Variants in ELMO1 observed in about 807,000 individuals in gnomAD.
The protein encoded by ELMO1 is engulfment and cell motility 1, also known as engulfment and cell motility protein 1.
A neutral mutation model predicts 98.9 loss-of-function variants in ELMO1; 26 were observed. That is an observed-to-expected ratio of 0.26 (90% CI 0.19 to 0.36). The LOEUF is 0.36. Ranked by LOEUF, ELMO1 falls within the 10% of genes least tolerant of loss-of-function variation. ELMO1 has a pLI of 1.00. For synonymous variants in ELMO1, 346 were observed against 346.0 expected, an observed-to-expected ratio of 1.00 and a Z score of 0.00; for missense variants, 627 against 935.2, an observed-to-expected ratio of 0.67 and a Z score of 4.30.
intron 2 of ELMO1, among the ~76,000 whole-genome samples, chr7:37,320,530 C>G (rs528183737): frequency 6.6e-6 from 1 of 152,316 alleles, no homozygotes; most frequent in African/African-American, 2.4e-5. Flanking sequence ...CATTTAATAT[C>G]CATGTCAAAG....
In ELMO1 at chr7:37,224,921, G is replaced by A. The variant is rs776057144; in HGVS notation, c.659C>T (p.Ala220Val). 7.4e-6 allele frequency: 12 copies of A among 1,614,028 alleles called. No homozygotes were observed. Among genetic ancestry groups the A allele is most frequent in the Admixed American group, 6.7e-5 (4 of 60,014 alleles). The change falls in exon 9 of 22, where the codon GCG becomes GTG. Residue 220 changes from alanine (A) to valine (V), a missense_variant. Ala to Val is a moderately conservative substitution (Grantham distance 64). Coordinates refer to ENST00000310758, the MANE Select transcript of ELMO1 (RefSeq NM_014800.11). Reference protein sequence around the residue: ...LNSHDLYQKVAQEITIGQLIP... With the variant: ...LNSHDLYQKVVQEITIGQLIP... ...GAGCTGGCCGATGGTGATCTCCTGCGCCACTTTCTGGTAGAGGTCATGGCT... is the reference window on the plus strand; with the variant it reads ...GAGCTGGCCGATGGTGATCTCCTGCACCACTTTCTGGTAGAGGTCATGGCT...
At chr7:37,048,001 T>C (rs1421361234) in intron 15 of ELMO1, among the ~76,000 whole-genome samples, 1 of 152,262 alleles carries the variant, frequency 6.6e-6, no homozygotes, top group Non-Finnish European at 1.5e-5. Flanking sequence ...ATTCCACTCT[T>C]ATCATAAATC....
At chr7:37,112,810 G>A (rs773932908) in intron 14 of ELMO1, among the ~76,000 whole-genome samples, 19 of 152,114 alleles carry the variant, frequency 1.2e-4, no homozygotes, top group Non-Finnish European at 2.4e-4. Context: ...AACCACTACT[G>A]GGTGCACCAG....
At chr7:36,891,906 T>C (rs1805586774) in intron 17 of ELMO1, among the ~76,000 whole-genome samples, 1 of 152,198 alleles carries the variant, frequency 6.6e-6, no homozygotes, top group Non-Finnish European at 1.5e-5. Flanking sequence ...TAGTGTTAAA[T>C]GATCGATTTT....
intron 16 of ELMO1, among the ~76,000 whole-genome samples, chr7:37,011,211 C>T (rs1399888116): frequency 1.3e-5 from 2 of 152,214 alleles, no homozygotes; most frequent in East Asian, 3.8e-4. Flanking sequence ...AAAAGTTTCA[C>T]AGTGACACTC....
intron 14 of ELMO1, among the ~76,000 whole-genome samples, chr7:37,119,059 G>A (rs760490992): frequency 8.5e-5 from 13 of 152,202 alleles, no homozygotes; most frequent in African/African-American, 2.7e-4. Context: ...TTCCTCGTCT[G>A]TAAAATGCAA....
chr7:37,127,362 T>A (rs1252533200), intron 14 of ELMO1, among the ~76,000 whole-genome samples: 3 of 152,160 alleles, frequency 2.0e-5, no homozygotes, highest in African/African-American at 7.2e-5. Context: ...TTTGACTCTG[T>A]CCCCTTTCCC....
chr7:37,310,622 C>T (rs1215087163), intron 4 of ELMO1, among the ~76,000 whole-genome samples: 3 of 152,172 alleles, frequency 2.0e-5, no homozygotes, highest in East Asian at 1.9e-4. Flanking sequence ...TCTGTAACTT[C>T]CTGTATTTAT....
intron 16 of ELMO1, among the ~76,000 whole-genome samples, chr7:37,012,969 A>G (rs1209583435): frequency 1.3e-5 from 2 of 152,138 alleles, no homozygotes; most frequent in Admixed American, 6.5e-5. Flanking sequence ...AGATCTTGCA[A>G]TATTGACAAG....
intron 1 of ELMO1, chr7:37,375,902 G>A: frequency 1.5e-6 from 1 of 669,128 alleles, no homozygotes; most frequent in South Asian, 1.6e-5. Flanking sequence ...AGAGATACGT[G>A]CAGACATAGT....
At chr7:36,893,383 A>T (rs1805722693) in intron 17 of ELMO1, among the ~76,000 whole-genome samples, 1 of 152,106 alleles carries the variant, frequency 6.6e-6, no homozygotes, top group Non-Finnish European at 1.5e-5. Flanking sequence ...GACCAATGCA[A>T]AACCCCAGTG....
At chr7:37,260,781 A>G (rs73110818) in intron 5 of ELMO1, among the ~76,000 whole-genome samples, 183 of 152,194 alleles carry the variant, frequency 1.2e-3, no homozygotes, top group Middle Eastern at 3.4e-3. Flanking sequence ...GCAGGGAGGA[A>G]AACGAGAGCC....
At chr7:37,077,899 A>C (rs1047644996) in intron 15 of ELMO1, among the ~76,000 whole-genome samples, 2 of 152,236 alleles carry the variant, frequency 1.3e-5, no homozygotes, top group African/African-American at 2.4e-5. Flanking sequence ...TGCCTTCGTG[A>C]GTAAAGGGAA....
At chr7:37,425,376 C>T (rs1391504479) in intron 1 of ELMO1, among the ~76,000 whole-genome samples, 2 of 152,214 alleles carry the variant, frequency 1.3e-5, no homozygotes, top group Non-Finnish European at 2.9e-5. Context: ...TTTCTAATAC[C>T]ATCATATTAG....
In ELMO1 at chr7:36,926,132, T is replaced by A. The variant is rs572751041; in HGVS notation, c.1438-31115A>T. Among the ~76,000 whole-genome samples the A allele has an allele frequency of 4.6e-5, 7 of 152,232 alleles. No individual in the cohort carries two copies. The South Asian group carries it at 1.5e-3, about 32-fold the overall frequency. ...CTTCCTGCCCTCCTTTTCCTGAACG[T>A]GTTACATAAGGAAGATCCCAGCTGC... is the stretch of plus-strand genomic sequence containing the variant. On this transcript the variant is annotated intron_variant, in intron 16 of 21. Coordinates refer to ENST00000310758, the MANE Select transcript of ELMO1 (RefSeq NM_014800.11).
intron 4 of ELMO1, among the ~76,000 whole-genome samples, chr7:37,305,744 T>C (rs1798579565): frequency 6.6e-6 from 1 of 152,230 alleles, no homozygotes; most frequent in South Asian, 2.1e-4. Context: ...AACACCTACA[T>C]ATTATATTCA....
chr7:36,914,835 T>C (rs1305509300), intron 16 of ELMO1, among the ~76,000 whole-genome samples: 1 of 152,112 alleles, frequency 6.6e-6, no homozygotes, highest in Non-Finnish European at 1.5e-5. Flanking sequence ...CATTCTTAAC[T>C]CTCCATTGGT....
chr7:36,947,628 T>TA (rs1244488890), intron 16 of ELMO1, among the ~76,000 whole-genome samples: 3 of 152,184 alleles, frequency 2.0e-5, no homozygotes, highest in African/African-American at 7.2e-5. Flanking sequence ...TTCCTTAGCC[T>TA]AAAATATTTC....
chr7:37,409,132 G>GAA (rs34728296), intron 1 of ELMO1, among the ~76,000 whole-genome samples: 32,433 of 138,188 alleles, frequency 0.23, 3,924 homozygotes, highest in East Asian at 0.41. Context: ...TTTTGCAAGT[G>GAA]AAAAAAAAAA....
Sources: allele counts gnomAD v4.1 joint callset (sites outside exome capture counted in the v4.1 genomes callset), GRCh38; gene constraint gnomAD v4.1.1; transcripts MANE v1.5; gene names NCBI Gene and HGNC (gene_info 2026-07-23, HGNC 2026-07-21).